CPNE4: variants seen among roughly 807,000 people sequenced by gnomAD.
CPNE4 encodes copine 4, also known as copine-4.
CPNE4 carries 25 observed loss-of-function variants against 67.9 expected under a neutral mutation model. That is an observed-to-expected ratio of 0.37 (90% CI 0.27 to 0.51). CPNE4 has a LOEUF of 0.51. Among genes scored for constraint, CPNE4 ranks in the 20% least tolerant of loss-of-function variants. The pLI is 0.93. For synonymous variants in CPNE4, 242 were observed against 244.9 expected (o/e 0.99, Z 0.11); for missense variants, 464 against 690.8 (o/e 0.67, Z 3.68).
intron 3 of CPNE4, among the ~76,000 whole-genome samples, chr3:131,716,649 T>C (rs997944898): frequency 2.0e-5 from 3 of 152,232 alleles, no homozygotes; most frequent in African/African-American, 7.2e-5. Context: ...CCTAGATTCT[T>C]GCCACAGTAA....
chr3:131,731,089 T>C (rs1241034369), intron 2 of CPNE4, among the ~76,000 whole-genome samples: 1 of 152,172 alleles, frequency 6.6e-6, no homozygotes, highest in African/African-American at 2.4e-5. Flanking sequence ...CAAGTGTCTT[T>C]CTCCCACTTT....
rs78519746 is a variant in CPNE4, at chr3:131,685,782, A to G, written c.591+93T>C. The stretch of plus-strand genomic sequence containing the variant: ...GGTGACACAGCGAGACTCCACCTCA[A>G]CACACACACACACACAAAAAGGAGT... On this transcript the variant is annotated intron_variant, in intron 6 of 15. Transcript: ENST00000429747. 1.5e-5 allele frequency: 9 copies of G among 590,302 alleles called. No individual in the cohort carries two copies. The East Asian group carries it at 1.7e-4, about 11-fold the overall frequency. 36.6% of individuals were successfully genotyped at this position (590,302 alleles called of 1,614,324 possible). A position where few individuals can be genotyped will look rare whatever the true frequency, so the allele number is the denominator to read the frequency against.
intron 1 of CPNE4, among the ~76,000 whole-genome samples, chr3:132,011,183 GAGA>G (rs1435830691): frequency 6.6e-6 from 1 of 152,194 alleles, no homozygotes; most frequent in African/African-American, 2.4e-5. Context: ...ACAGCCTGCT[GAGA>G]AGAAGAGTCC....
intron 1 of CPNE4, among the ~76,000 whole-genome samples, chr3:131,966,551 T>C (rs1192251364): frequency 1.3e-5 from 2 of 152,044 alleles, no homozygotes; most frequent in African/African-American, 2.4e-5. Flanking sequence ...TCACCACTGA[T>C]CCCACAGAAA....
chr3:131,599,940 T>G (rs989749206), intron 7 of CPNE4, among the ~76,000 whole-genome samples: 1 of 152,124 alleles, frequency 6.6e-6, no homozygotes, highest in Non-Finnish European at 1.5e-5. Context: ...GCAAGGAATA[T>G]AATGACATGG....
chr3:131,858,587 T>C (rs1041423149), intron 2 of CPNE4, among the ~76,000 whole-genome samples: 2 of 152,150 alleles, frequency 1.3e-5, no homozygotes, highest in African/African-American at 2.4e-5. Context: ...CTAAAACTTT[T>C]ATAAAAACTT....
At chr3:131,882,809 C>T (rs1290129136) in intron 2 of CPNE4, among the ~76,000 whole-genome samples, 5 of 151,634 alleles carry the variant, frequency 3.3e-5, no homozygotes, top group African/African-American at 9.7e-5. Flanking sequence ...CTCTGCCTCC[C>T]GAGTTCACAC....
At chr3:131,694,235 T>C (rs187220513) in intron 5 of CPNE4, among the ~76,000 whole-genome samples, 375 of 152,338 alleles carry the variant, frequency 2.5e-3, no homozygotes, top group African/African-American at 8.6e-3. Context: ...TAGTGACTTT[T>C]AGTCATACAA....
At chr3:131,693,244 C>T (rs1453211627) in intron 5 of CPNE4, among the ~76,000 whole-genome samples, 2 of 152,122 alleles carry the variant, frequency 1.3e-5, no homozygotes, top group Non-Finnish European at 1.5e-5. Context: ...AACTTTTGGT[C>T]TTAAGACCCC....
At chr3:131,784,983 A>G (rs1333166457) in intron 2 of CPNE4, among the ~76,000 whole-genome samples, 1 of 152,126 alleles carries the variant, frequency 6.6e-6, no homozygotes, top group Non-Finnish European at 1.5e-5. Flanking sequence ...TCTAAATCCC[A>G]GTTGCACCTC....
At position 131,611,421 on chromosome 3, in the gene CPNE4, T is replaced by C. The variant is rs571206706; in HGVS notation, c.682-23839A>G. ...ATCATATTGTATAAATGCTTGTCAT[T>C]GGGCCACATGTGGAATATGGAGGTT... On this transcript the variant is annotated intron_variant, in intron 7 of 15. Transcript: ENST00000429747. Among the ~76,000 whole-genome samples, 94 of 152,214 alleles carry C rather than the reference T, an allele frequency of 6.2e-4. 1 individual carries two copies. Among genetic ancestry groups the C allele is most frequent in the Non-Finnish European group, 9.4e-4 (64 of 68,024 alleles).
chr3:131,882,883 A>T (rs1322621953), intron 2 of CPNE4, among the ~76,000 whole-genome samples: 1 of 151,706 alleles, frequency 6.6e-6, no homozygotes, highest in African/African-American at 2.4e-5. Context: ...CACCTGGCTA[A>T]TTTTTTTGTA....
chr3:132,004,017 A>G (rs188008897), intron 1 of CPNE4, among the ~76,000 whole-genome samples: 7 of 152,174 alleles, frequency 4.6e-5, no homozygotes, highest in Non-Finnish European at 1.0e-4. Flanking sequence ...CATGATGGAA[A>G]TGATGGTCTC....
intron 2 of CPNE4, among the ~76,000 whole-genome samples, chr3:131,864,246 G>C (rs2107676517): frequency 6.6e-6 from 1 of 151,420 alleles, no homozygotes; most frequent in East Asian, 2.0e-4. Context: ...TGTGAAGAAA[G>C]TCATTGGTAG....
intron 2 of CPNE4, among the ~76,000 whole-genome samples, chr3:131,804,114 T>C (rs901070492): frequency 1.3e-5 from 2 of 152,188 alleles, no homozygotes; most frequent in Non-Finnish European, 2.9e-5. Flanking sequence ...AAGGGGTTAG[T>C]TGAAATTCTC....
At chr3:131,942,606 C>T (rs1463979010) in intron 1 of CPNE4, among the ~76,000 whole-genome samples, 1 of 151,956 alleles carries the variant, frequency 6.6e-6, no homozygotes, top group Non-Finnish European at 1.5e-5. Context: ...CAGCTCTTAT[C>T]TTTCACCTTT....
intron 2 of CPNE4, among the ~76,000 whole-genome samples, chr3:131,730,245 G>A (rs2082097280): frequency 6.6e-6 from 1 of 152,066 alleles, no homozygotes; most frequent in Admixed American, 6.5e-5. Flanking sequence ...TAATTGATAT[G>A]TCATAGTATA....
intron 2 of CPNE4, among the ~76,000 whole-genome samples, chr3:131,726,425 G>T (rs55755764): frequency 0.074 from 11,250 of 152,110 alleles, 491 homozygotes; most frequent in African/African-American, 0.11. Flanking sequence ...GATTTCCAAG[G>T]ATAATCAGAA....
At position 131,534,527 on chromosome 3, in the gene CPNE4, C is replaced by A. The variant is rs75410428; in HGVS notation, c.*668G>T. 6.6e-6 allele frequency: 1 copy of A among 152,176 alleles called. No homozygotes were observed. Among genetic ancestry groups the A allele is most frequent in the Non-Finnish European group, 1.5e-5 (1 of 68,036 alleles). The allele number at this position is 152,176 out of a possible 1,614,324, so 9.4% of individuals were successfully genotyped here. On this transcript the variant is annotated 3_prime_UTR_variant, in exon 16 of 16. Coordinates refer to ENST00000429747, the MANE Select transcript of CPNE4 (RefSeq NM_130808.3). ...GGGTCCCACACAGACCTATGTATCA[C>A]AATCTGAATTTTAATAAGACTCTCA... is the stretch of plus-strand genomic sequence containing the variant.
Sources: gnomAD v4.1 joint callset for allele counts (sites outside exome capture counted in the v4.1 genomes callset) on GRCh38, gnomAD v4.1.1 for gene constraint, MANE v1.5 for transcripts, NCBI Gene and HGNC (gene_info 2026-07-23, HGNC 2026-07-21) for gene names.